Variants in MLLT10 observed in about 807,000 individuals in gnomAD.
The protein encoded by MLLT10 is protein AF-10.
In MLLT10, 30 loss-of-function variants were observed where a neutral mutation model predicts 129.1. That is an observed-to-expected ratio of 0.23 (90% CI 0.17 to 0.32). MLLT10 has a LOEUF of 0.32. Among genes scored for constraint, MLLT10 ranks in the 10% least tolerant of loss-of-function variants. The pLI is 1.00. For synonymous variants in MLLT10, 490 were observed against 446.4 expected, an observed-to-expected ratio of 1.10 and a Z score of -1.23; for missense variants, 1,119 against 1,268.3, an observed-to-expected ratio of 0.88 and a Z score of 1.79.
At chr10:21,681,118 C>T (rs575922764) in intron 11 of MLLT10, among the ~76,000 whole-genome samples, 2 of 152,178 alleles carry the variant, frequency 1.3e-5, no homozygotes, top group African/African-American at 2.4e-5. Context: ...ACATTCCACA[C>T]ACTCCCATTA....
intron 14 of MLLT10, among the ~76,000 whole-genome samples, chr10:21,723,872 A>C (rs562631499): frequency 3.5e-4 from 53 of 152,358 alleles, no homozygotes; most frequent in African/African-American, 1.2e-3. Flanking sequence ...CTGAGACGTC[A>C]ACAGATGGGA....
At chr10:21,616,831 T>C (rs939984461) in intron 7 of MLLT10, among the ~76,000 whole-genome samples, 5 of 152,044 alleles carry the variant, frequency 3.3e-5, no homozygotes, top group African/African-American at 1.2e-4. Context: ...TTTAAGCTGA[T>C]GTTGAAAATA....
chr10:21,626,477 A>G (rs768143411), intron 8 of MLLT10, among the ~76,000 whole-genome samples: 47 of 152,154 alleles, frequency 3.1e-4, no homozygotes, highest in Non-Finnish European at 4.9e-4. Flanking sequence ...CTTCTAATCT[A>G]TTCCTGCAAG....
chr10:21,682,684 A>G (rs896857256), intron 13 of MLLT10, among the ~76,000 whole-genome samples: 3 of 152,186 alleles, frequency 2.0e-5, no homozygotes, highest in Non-Finnish European at 4.4e-5. Context: ...TGTATTCCAC[A>G]TAGTGAATAA....
chr10:21,642,705 C>T (rs1173423114), intron 8 of MLLT10, among the ~76,000 whole-genome samples: 1 of 151,710 alleles, frequency 6.6e-6, no homozygotes, highest in Non-Finnish European at 1.5e-5. Context: ...TTTTATTATC[C>T]TGATTGAAAC....
At chr10:21,728,829 A>T (rs1042864489) in intron 16 of MLLT10, among the ~76,000 whole-genome samples, 6 of 150,586 alleles carry the variant, frequency 4.0e-5, no homozygotes, top group Admixed American at 4.0e-4. Context: ...GGAGTTCAAG[A>T]CCAGCCTGGG....
intron 10 of MLLT10, among the ~76,000 whole-genome samples, chr10:21,673,043 T>A (rs930660704): frequency 2.0e-5 from 3 of 152,182 alleles, no homozygotes; most frequent in Non-Finnish European, 4.4e-5. Flanking sequence ...TTGCGGAATG[T>A]TGCTGTGGCA....
In MLLT10 at chr10:21,710,563, C is replaced by T. The variant is rs139726378; in HGVS notation, c.1700-3209C>T. 4.6e-3 allele frequency among the ~76,000 whole-genome samples: 700 copies of T among 152,192 alleles called. 3 individuals are homozygous for T. The highest frequency in any genetic ancestry group is 0.017 in the Middle Eastern group (5 of 294). On this transcript the variant is annotated intron_variant, in intron 13 of 22. Coordinates refer to ENST00000307729, the MANE Select transcript of MLLT10 (RefSeq NM_001195626.3). The stretch of plus-strand genomic sequence containing the variant: ...TGCAGGTTTACTTACTGTAACTTAC[C>T]ATGCTTCTCACTCCTAGATTTATGT...
intron 8 of MLLT10, among the ~76,000 whole-genome samples, chr10:21,646,095 C>T (rs959193001): frequency 2.0e-5 from 3 of 152,214 alleles, no homozygotes; most frequent in Admixed American, 6.5e-5. Flanking sequence ...ATCCCAGCTA[C>T]GTGGATGGCT....
At position 21,742,750 on chromosome 10, in the gene MLLT10, GA is replaced by G; in HGVS notation, c.*770del. ...CTTCTTTCAGAAAGGGGCCACTGTGGAAAGTGCTGGTGGGGTTTGCCCTTGA... is the reference window on the plus strand; with the variant it reads ...CTTCTTTCAGAAAGGGGCCACTGTGGAAGTGCTGGTGGGGTTTGCCCTTGA... On this transcript the variant is annotated 3_prime_UTR_variant, in exon 23 of 23. Transcript: ENST00000307729. 1 of 227,486 alleles carries G rather than the reference GA, an allele frequency of 4.4e-6. No individual in the cohort carries two copies. Among genetic ancestry groups the G allele is most frequent in the Non-Finnish European group, 8.7e-6 (1 of 114,500 alleles). The allele number at this position is 227,486 out of a possible 1,614,324, so 14.1% of individuals were successfully genotyped here.
chr10:21,583,397 T>A (rs2131081718), intron 3 of MLLT10, among the ~76,000 whole-genome samples: 1 of 152,162 alleles, frequency 6.6e-6, no homozygotes, highest in Admixed American at 6.5e-5. Flanking sequence ...GATAGGGTGA[T>A]CAGAAAGGTG....
intron 3 of MLLT10, among the ~76,000 whole-genome samples, chr10:21,575,302 C>G (rs2040619146): frequency 6.6e-6 from 1 of 152,058 alleles, no homozygotes; most frequent in African/African-American, 2.4e-5. Context: ...AGCGATTCTC[C>G]TGCCTCAGCT....
chr10:21,634,973 T>C (rs144090860), intron 8 of MLLT10, among the ~76,000 whole-genome samples: 53 of 152,332 alleles, frequency 3.5e-4, no homozygotes, highest in African/African-American at 1.3e-3. Flanking sequence ...CCCCAGACCT[T>C]GAATCAGCTC....
chr10:21,734,774 A>ATTCT (rs370696235), intron 20 of MLLT10, among the ~76,000 whole-genome samples: 1 of 152,132 alleles, frequency 6.6e-6, no homozygotes, highest in African/African-American at 2.4e-5. Context: ...GTATGTTTGG[A>ATTCT]TTCTTTGTTT....
intron 3 of MLLT10, among the ~76,000 whole-genome samples, chr10:21,585,739 G>C (rs963412179): frequency 6.6e-6 from 1 of 152,080 alleles, no homozygotes; most frequent in Non-Finnish European, 1.5e-5. Context: ...ATTAATGTAA[G>C]ATTTAAAAAA....
intron 13 of MLLT10, among the ~76,000 whole-genome samples, chr10:21,699,336 G>T (rs1452932524): frequency 2.0e-5 from 3 of 151,256 alleles, no homozygotes; most frequent in African/African-American, 7.3e-5. Flanking sequence ...CTATTCAACA[G>T]TTTGTCTCCC....
intron 3 of MLLT10, among the ~76,000 whole-genome samples, chr10:21,567,166 G>T (rs564338106): frequency 6.6e-6 from 1 of 152,200 alleles, no homozygotes; most frequent in South Asian, 2.1e-4. Context: ...GGGCATTTTT[G>T]TATTGTCATG....
chr10:21,614,805 T>A, intron 6 of MLLT10, 26 bp from the exon 7 acceptor site: 1 of 1,590,610 alleles, frequency 6.3e-7, no homozygotes, highest in Non-Finnish European at 8.6e-7. Flanking sequence ...AGTATATCAA[T>A]AAATATACTT....
chr10:21,717,895 C>T (rs1698917071), intron 14 of MLLT10, among the ~76,000 whole-genome samples: 2 of 146,096 alleles, frequency 1.4e-5, no homozygotes, highest in South Asian at 2.2e-4. Flanking sequence ...CCTTCTCCTC[C>T]TCCTCCTCCT....
Sources: gnomAD v4.1 joint callset for allele counts (sites outside exome capture counted in the v4.1 genomes callset) on GRCh38, gnomAD v4.1.1 for gene constraint, MANE v1.5 for transcripts, NCBI Gene and HGNC (gene_info 2026-07-23, HGNC 2026-07-21) for gene names.